The following NKAIN2 variants were observed in gnomAD, a reference collection of about 807,000 sequenced individuals.
NKAIN2 encodes the protein sodium/potassium-transporting ATPase subunit beta-1-interacting protein 2.
In NKAIN2, 14 loss-of-function variants were observed where a neutral mutation model predicts 32.6. That is an observed-to-expected ratio of 0.43 (90% CI 0.28 to 0.67). The LOEUF (loss-of-function observed/expected upper bound fraction) is 0.67, where lower values mean the gene tolerates loss of function less well. Ranked by LOEUF, NKAIN2 falls within the 30% of genes least tolerant of loss-of-function variation. The probability of loss-of-function intolerance (pLI) is 0.17; values close to 1 mark genes in which losing one functional copy is unlikely to be tolerated. For missense variants in NKAIN2, 198 were observed against 258.3 expected (o/e 0.77, Z 1.60); for synonymous variants, 80 against 87.2 (o/e 0.92, Z 0.46).
chr6:123,989,388 T>TC (rs1779317395), intron 1 of NKAIN2, among the ~76,000 whole-genome samples: 2 of 152,212 alleles, frequency 1.3e-5, no homozygotes, highest in Admixed American at 1.3e-4. Context: ...TGAGCGACAT[T>TC]GTTATAATGG....
chr6:124,226,856 A>C (rs111300585), intron 1 of NKAIN2, among the ~76,000 whole-genome samples: 2 of 152,072 alleles, frequency 1.3e-5, no homozygotes, highest in Admixed American at 6.6e-5. Flanking sequence ...TTTATTGTTC[A>C]TTACTTATGA....
chr6:123,959,923 A>ATG (rs1333504911), intron 1 of NKAIN2, among the ~76,000 whole-genome samples: 2 of 124,880 alleles, frequency 1.6e-5, no homozygotes, highest in African/African-American at 3.4e-5. Context: ...TGTCTTCCAT[A>ATG]TATGTGTGTG....
At chr6:124,174,451 A>G (rs1431159406) in intron 1 of NKAIN2, among the ~76,000 whole-genome samples, 1 of 152,202 alleles carries the variant, frequency 6.6e-6, no homozygotes, top group African/African-American at 2.4e-5. Flanking sequence ...AGGGCAGCCT[A>G]AGTACAATGA....
intron 1 of NKAIN2, among the ~76,000 whole-genome samples, chr6:123,925,428 C>T (rs1775964004): frequency 6.6e-6 from 1 of 152,116 alleles, no homozygotes; most frequent in African/African-American, 2.4e-5. Flanking sequence ...TTGCACTTGC[C>T]TCCTGGGTAT....
intron 3 of NKAIN2, among the ~76,000 whole-genome samples, chr6:124,406,923 T>C (rs139378084): frequency 6.6e-6 from 1 of 152,046 alleles, no homozygotes; most frequent in South Asian, 2.1e-4. Flanking sequence ...CAATTTTTCT[T>C]GTTCTTTTTC....
At chr6:124,130,785 G>A (rs576890726) in intron 1 of NKAIN2, among the ~76,000 whole-genome samples, 1 of 152,238 alleles carries the variant, frequency 6.6e-6, no homozygotes. Flanking sequence ...AATGAATAAA[G>A]TAATTACCTG....
chr6:124,681,947 A>G (rs1396745530), intron 4 of NKAIN2, among the ~76,000 whole-genome samples: 1 of 152,014 alleles, frequency 6.6e-6, no homozygotes, highest in Non-Finnish European at 1.5e-5. Flanking sequence ...AAAGAAAGGA[A>G]CAGAGGGAGA....
intron 3 of NKAIN2, among the ~76,000 whole-genome samples, chr6:124,432,973 ACAGT>A (rs1376215988): frequency 1.3e-5 from 2 of 152,078 alleles, no homozygotes; most frequent in Non-Finnish European, 2.9e-5. Context: ...GATCCTCTAA[ACAGT>A]CAGGGCATCT....
At chr6:124,725,919 C>T (rs998807542) in intron 4 of NKAIN2, among the ~76,000 whole-genome samples, 1 of 152,224 alleles carries the variant, frequency 6.6e-6, no homozygotes, top group Non-Finnish European at 1.5e-5. Flanking sequence ...CAGGGAGTTC[C>T]CTTTCCGAGT....
At chr6:124,689,748 T>C (rs1461200067) in intron 4 of NKAIN2, among the ~76,000 whole-genome samples, 2 of 152,150 alleles carry the variant, frequency 1.3e-5, no homozygotes, top group Non-Finnish European at 2.9e-5. Flanking sequence ...TCTTTGTTTC[T>C]GTAACAAAGA....
intron 3 of NKAIN2, among the ~76,000 whole-genome samples, chr6:124,543,141 T>C (rs1217889024): frequency 6.6e-6 from 1 of 152,210 alleles, no homozygotes; most frequent in Non-Finnish European, 1.5e-5. Context: ...CCTTCATGTT[T>C]ACAACTTTAA....
chr6:124,554,018 G>A (rs1240703888), intron 3 of NKAIN2, among the ~76,000 whole-genome samples: 1 of 152,098 alleles, frequency 6.6e-6, no homozygotes, highest in Non-Finnish European at 1.5e-5. Context: ...ATAACAAAAT[G>A]TTATTATCAT....
chr6:124,603,810 G>A (rs181288369), intron 3 of NKAIN2, among the ~76,000 whole-genome samples: 134 of 152,018 alleles, frequency 8.8e-4, no homozygotes, highest in Admixed American at 2.8e-3. Context: ...TTGAAGTCAC[G>A]TTAGACCAAA....
chr6:124,823,623 C>A lies in NKAIN2; in HGVS notation c.*394C>A, dbSNP rs1781480353. The A allele has an allele frequency of 5.2e-6, 1 of 192,288 alleles. No individual in the cohort carries two copies. Among genetic ancestry groups the A allele is most frequent in the African/African-American group, 2.3e-5 (1 of 43,254 alleles). The allele number at this position is 192,288 out of a possible 1,614,324, so 11.9% of individuals were successfully genotyped here. ...GTGAGCTGGGAAGTCATCCAAGGCA[C>A]ATTAGTTTGAGAGCTCTGTCTTCTG... On this transcript the variant is annotated 3_prime_UTR_variant, in exon 7 of 7. Transcript: ENST00000368417.
chr6:124,815,839 C>T (rs1781138501), intron 5 of NKAIN2, among the ~76,000 whole-genome samples: 1 of 152,112 alleles, frequency 6.6e-6, no homozygotes, highest in Non-Finnish European at 1.5e-5. Flanking sequence ...TTGAGGGGCT[C>T]TTAATTTTCT....
intron 3 of NKAIN2, among the ~76,000 whole-genome samples, chr6:124,358,346 G>A (rs1188432419): frequency 2.0e-5 from 3 of 152,078 alleles, no homozygotes; most frequent in South Asian, 2.1e-4. Flanking sequence ...CTGAGGAATC[G>A]CCACACTGAC....
intron 3 of NKAIN2, among the ~76,000 whole-genome samples, chr6:124,471,919 GTTA>G (rs912112895): frequency 1.3e-4 from 19 of 151,964 alleles, no homozygotes; most frequent in African/African-American, 4.1e-4. Flanking sequence ...GATAATTATA[GTTA>G]TTATTGTTCC....
intron 1 of NKAIN2, among the ~76,000 whole-genome samples, chr6:124,267,285 C>A (rs867961156): frequency 1.3e-5 from 2 of 151,932 alleles, no homozygotes; most frequent in Non-Finnish European, 2.9e-5. Flanking sequence ...TGAAAGATAT[C>A]AAAAATGCTA....
intron 1 of NKAIN2, among the ~76,000 whole-genome samples, chr6:124,139,699 A>G (rs914666439): frequency 2.0e-5 from 3 of 152,210 alleles, no homozygotes; most frequent in Non-Finnish European, 4.4e-5. Flanking sequence ...ATTCTCCTAT[A>G]AGATTTAAAG....
Sources: allele counts gnomAD v4.1 joint callset (sites outside exome capture counted in the v4.1 genomes callset), GRCh38; gene constraint gnomAD v4.1.1; transcripts MANE v1.5; gene names NCBI Gene and HGNC (gene_info 2026-07-23, HGNC 2026-07-21).